The following CAMTA1 variants were observed in gnomAD, a reference collection of about 807,000 sequenced individuals.
CAMTA1 encodes calmodulin binding transcription activator 1, also known as calmodulin-binding transcription activator 1.
CAMTA1 carries 27 observed loss-of-function variants against 170.9 expected under a neutral mutation model. The ratio of observed to expected loss-of-function variants is 0.16; its 90% CI spans 0.12 to 0.22. The LOEUF (loss-of-function observed/expected upper bound fraction) is 0.22, where lower values mean the gene tolerates loss of function less well. Among genes scored for constraint, CAMTA1 ranks in the 10% least tolerant of loss-of-function variants. CAMTA1 has a pLI of 1.00. For missense variants in CAMTA1, 1,619 were observed against 2,217.2 expected (o/e 0.73, Z 5.42); for synonymous variants, 833 against 891.5 (o/e 0.93, Z 1.17).
intron 4 of CAMTA1, among the ~76,000 whole-genome samples, chr1:7,159,412 C>A (rs1231839477): frequency 6.6e-6 from 1 of 152,118 alleles, no homozygotes; most frequent in Non-Finnish European, 1.5e-5. Context: ...CCAGCCCAAA[C>A]AGAAGACAGG....
In CAMTA1 at chr1:7,248,833, TG is replaced by T. The variant is rs1210806790; in HGVS notation, c.303-656del. Among the ~76,000 whole-genome samples the T allele has an allele frequency of 1.3e-5, 2 of 152,210 alleles. No homozygotes were observed. The highest frequency in any genetic ancestry group is 3.8e-4 in the East Asian group (2 of 5,202). On this transcript the variant is annotated intron_variant, in intron 4 of 22. Coordinates refer to ENST00000303635, the MANE Select transcript of CAMTA1 (RefSeq NM_015215.4). This position sits in a 1 kb window ranked among gnomAD's most constrained non-coding sequence, Gnocchi z 4.0. ...CTATTTCCCTGAGATGCTCTGGCTG[TG>T]GACTGAATAGATGACTTTACCTGGC...
chr1:7,081,964 T>G (rs1438315133), intron 3 of CAMTA1, among the ~76,000 whole-genome samples: 2 of 152,160 alleles, frequency 1.3e-5, no homozygotes, highest in Non-Finnish European at 2.9e-5. Flanking sequence ...GCCTCTCATT[T>G]CCCCAGCCAT....
intron 6 of CAMTA1, among the ~76,000 whole-genome samples, chr1:7,566,837 G>A (rs1475855496): frequency 6.6e-6 from 1 of 152,210 alleles, no homozygotes. Flanking sequence ...CCCCAGATTG[G>A]CACTAGGAGC....
chr1:7,123,008 G>A (rs2148472487), intron 4 of CAMTA1, among the ~76,000 whole-genome samples: 1 of 152,316 alleles, frequency 6.6e-6, no homozygotes, highest in Admixed American at 6.5e-5. Flanking sequence ...CTTCTGGGAT[G>A]AAACTCAAGA....
chr1:7,746,444 A>G (rs1275063083), intron 18 of CAMTA1, among the ~76,000 whole-genome samples: 1 of 152,170 alleles, frequency 6.6e-6, no homozygotes, highest in Non-Finnish European at 1.5e-5. Flanking sequence ...TTAACAACCA[A>G]TTTTTAAACA....
intron 5 of CAMTA1, among the ~76,000 whole-genome samples, chr1:7,423,399 G>A (rs1300778762): frequency 6.6e-6 from 1 of 150,862 alleles, no homozygotes; most frequent in Non-Finnish European, 1.5e-5. Context: ...GAACCCGGAG[G>A]CAGAGGTTGC....
chr1:6,881,891 T>A (rs1671729844), intron 3 of CAMTA1, among the ~76,000 whole-genome samples: 1 of 152,082 alleles, frequency 6.6e-6, no homozygotes, highest in Non-Finnish European at 1.5e-5. Flanking sequence ...TGCTTGAATC[T>A]GGGAGGCAGA....
chr1:7,103,455 C>G (rs1259483375), intron 4 of CAMTA1, among the ~76,000 whole-genome samples: 1 of 148,718 alleles, frequency 6.7e-6, no homozygotes, highest in Admixed American at 6.7e-5. Flanking sequence ...GCACACACAA[C>G]TACACACATG....
At chr1:7,698,074 A>ACCCCCCCCCCCCCCCCCCCCCCCCCCCC (rs55893283) in intron 11 of CAMTA1, among the ~76,000 whole-genome samples, 1 of 98,586 alleles carries the variant, frequency 1.0e-5, no homozygotes, top group Non-Finnish European at 2.2e-5. Context: ...ACGCACTGTG[A>ACCCCCCCCCCCCCCCCCCCCCCCCCCCC]CCCCCCCCCC....
chr1:6,863,590 C>T (rs941212557), intron 3 of CAMTA1, among the ~76,000 whole-genome samples: 7 of 152,222 alleles, frequency 4.6e-5, no homozygotes, highest in Non-Finnish European at 8.8e-5. Context: ...GGTACTTGAG[C>T]CTCCCAGGCG....
intron 3 of CAMTA1, among the ~76,000 whole-genome samples, chr1:7,040,125 AC>A (rs1164955002): frequency 2.0e-5 from 3 of 149,740 alleles, no homozygotes; most frequent in Admixed American, 6.6e-5. Context: ...CCACAGCCCC[AC>A]CTTTCAAGTG....
In CAMTA1 at chr1:7,448,910, G is replaced by C. The variant is rs1346356497; in HGVS notation, c.439-18920G>C. On this transcript the variant is annotated intron_variant, in intron 5 of 22. Transcript: ENST00000303635. ...CTGTGGGCGCCCAGCAGCACTGCCTGCTTGCTCTGAGGCAGCGATCCAGGC... is the reference window on the plus strand; with the variant it reads ...CTGTGGGCGCCCAGCAGCACTGCCTCCTTGCTCTGAGGCAGCGATCCAGGC... Among the ~76,000 whole-genome samples, 9 of 152,342 alleles carry C rather than the reference G, an allele frequency of 5.9e-5. No individual in the cohort carries two copies. The East Asian group carries it at 1.4e-3, about 23-fold the overall frequency.
rs1001938668 is a variant in CAMTA1 at position 7,050,806 on chromosome 1, G to A, written c.235-40498G>A. On this transcript the variant is annotated intron_variant, in intron 3 of 22. Transcript: ENST00000303635. The surrounding 1 kb of genome is among the most constrained non-coding windows in gnomAD (Gnocchi z 4.8). ...AGTCCTTGTCAGGGTGAGGCAGGCGGAGAAGAGGGGACTCTGGGAAGGAGA... is the reference window on the plus strand; with the variant it reads ...AGTCCTTGTCAGGGTGAGGCAGGCGAAGAAGAGGGGACTCTGGGAAGGAGA... Among the ~76,000 whole-genome samples, 1 of 152,136 alleles carries A rather than the reference G, an allele frequency of 6.6e-6. No individual in the cohort carries two copies. Among genetic ancestry groups the A allele is most frequent in the African/African-American group, 2.4e-5 (1 of 41,418 alleles).
At chr1:6,904,324 T>A (rs1030746569) in intron 3 of CAMTA1, among the ~76,000 whole-genome samples, 1 of 152,240 alleles carries the variant, frequency 6.6e-6, no homozygotes, top group Non-Finnish European at 1.5e-5. Flanking sequence ...TGTCTCTCCC[T>A]CAGCCCTGGG....
chr1:6,797,244 A>G (rs1334026249), intron 1 of CAMTA1, among the ~76,000 whole-genome samples: 1 of 152,226 alleles, frequency 6.6e-6, no homozygotes, highest in East Asian at 1.9e-4. Flanking sequence ...TAATTTTTGT[A>G]GAGACGGGGT....
chr1:7,078,214 A>C (rs1273043574), intron 3 of CAMTA1, among the ~76,000 whole-genome samples: 1 of 152,228 alleles, frequency 6.6e-6, no homozygotes, highest in East Asian at 1.9e-4. Flanking sequence ...GTTGAAGAAG[A>C]AGCCAAATTC....
At chr1:7,108,824 G>A (rs1305259822) in intron 4 of CAMTA1, among the ~76,000 whole-genome samples, 1 of 152,194 alleles carries the variant, frequency 6.6e-6, no homozygotes, top group Admixed American at 6.5e-5. Context: ...ATTTTGCCCT[G>A]TCTGTCAGTC....
chr1:7,549,415 C>T (rs79882838), intron 6 of CAMTA1, among the ~76,000 whole-genome samples: 2,329 of 152,230 alleles, frequency 0.015, 51 homozygotes, highest in African/African-American at 0.053. Context: ...CACAGAACCC[C>T]TTGGCCACCT....
At chr1:6,812,367 A>G (rs1367316513) in intron 1 of CAMTA1, among the ~76,000 whole-genome samples, 1 of 152,124 alleles carries the variant, frequency 6.6e-6, no homozygotes, top group Non-Finnish European at 1.5e-5. Flanking sequence ...ACCTTTTAGG[A>G]TCGAAATAAG....
Sources: allele counts gnomAD v4.1 joint callset (sites outside exome capture counted in the v4.1 genomes callset), GRCh38; gene constraint gnomAD v4.1.1; non-coding constraint Gnocchi (gnomAD v3.1); transcripts MANE v1.5; gene names NCBI Gene and HGNC (gene_info 2026-07-23, HGNC 2026-07-21).